C1orf21: variants seen among roughly 807,000 people sequenced by gnomAD.
C1orf21 encodes uncharacterized protein C1orf21.
C1orf21 carries 3 observed loss-of-function variants against 18.7 expected under a neutral mutation model. The observed-to-expected ratio is 0.16, with a 90% CI of 0.07 to 0.42. The LOEUF (loss-of-function observed/expected upper bound fraction) is 0.42, where lower values mean the gene tolerates loss of function less well. C1orf21 is among the 10% of genes least tolerant of loss of function. The pLI is 0.99. For synonymous variants in C1orf21, 41 were observed against 46.4 expected (o/e 0.88, Z 0.47); for missense variants, 104 against 143.6 (o/e 0.72, Z 1.41).
At chr1:184,448,736 G>A (rs112740239) in intron 1 of C1orf21, among the ~76,000 whole-genome samples, 1 of 152,032 alleles carries the variant, frequency 6.6e-6, no homozygotes, top group Non-Finnish European at 1.5e-5. Flanking sequence ...TTTTCTCTTG[G>A]ATCTCATTTC....
At chr1:184,530,289 T>G (rs1049298576) in intron 3 of C1orf21, among the ~76,000 whole-genome samples, 3 of 152,186 alleles carry the variant, frequency 2.0e-5, no homozygotes, top group African/African-American at 7.2e-5. Flanking sequence ...TGGGCCTCAG[T>G]TTCCTCATCT....
intron 5 of C1orf21, chr1:184,599,576 G>A (rs571915630): frequency 2.0e-5 from 3 of 152,298 alleles, no homozygotes; most frequent in African/African-American, 7.2e-5. Context: ...TTCCCTGGAT[G>A]TAAATAAATA....
chr1:184,506,694 G>C (rs1658066488), intron 2 of C1orf21, among the ~76,000 whole-genome samples: 1 of 152,134 alleles, frequency 6.6e-6, no homozygotes, highest in Non-Finnish European at 1.5e-5. Context: ...TTTGACTTTA[G>C]TGCGCTCAAA....
chr1:184,547,570 A>T (rs2101980158), intron 3 of C1orf21, among the ~76,000 whole-genome samples: 1 of 152,246 alleles, frequency 6.6e-6, no homozygotes. Context: ...TTCCCCACGA[A>T]GCAGTGTACA....
Position 184,616,135 on chromosome 1 carries a change from C to T in C1orf21, c.328-3383C>T, listed in dbSNP as rs76540595. On this transcript the variant is annotated intron_variant, in intron 5 of 5. Transcript: ENST00000235307. ...CATTCTCAGGTCTCCTTTCTTAGAA[C>T]GGCACTGGATGGCCATATGGTTTAT... is the stretch of plus-strand genomic sequence containing the variant. 7.9e-5 allele frequency among the ~76,000 whole-genome samples: 12 copies of T among 152,348 alleles called. No individual in the cohort carries two copies. The East Asian group carries it at 1.7e-3, about 22-fold the overall frequency.
chr1:184,429,267 C>T (rs920929865), intron 1 of C1orf21, among the ~76,000 whole-genome samples: 1 of 152,048 alleles, frequency 6.6e-6, no homozygotes, highest in African/African-American at 2.4e-5. Flanking sequence ...CTGGAGAGGC[C>T]CTGGCATCTT....
chr1:184,560,334 A>C (rs533547430), intron 3 of C1orf21, among the ~76,000 whole-genome samples: 11 of 152,226 alleles, frequency 7.2e-5, no homozygotes, highest in African/African-American at 1.2e-4. Flanking sequence ...TCTAGAAACC[A>C]AAGAAAAGGC....
rs530325066 is a variant in C1orf21 at position 184,484,808 on chromosome 1, T to C, written c.94+7205T>C. Among the ~76,000 whole-genome samples, 110 of 152,276 alleles carry C rather than the reference T, an allele frequency of 7.2e-4. 2 individuals are homozygous for C. The highest frequency in any genetic ancestry group is 5.2e-3 in the South Asian group (25 of 4,822). On this transcript the variant is annotated intron_variant, in intron 2 of 5. Transcript: ENST00000235307. Reference sequence around the variant, plus strand: ...TGGCTGCTTTCTTTCACTTGGACTTTGTATTGCTATGTGGCTTCAGTTAAG... The same window carrying C: ...TGGCTGCTTTCTTTCACTTGGACTTCGTATTGCTATGTGGCTTCAGTTAAG...
chr1:184,600,544 A>AT (rs1659573001), intron 5 of C1orf21, among the ~76,000 whole-genome samples: 1 of 152,204 alleles, frequency 6.6e-6, no homozygotes, highest in Admixed American at 6.5e-5. Context: ...GAAATCTGAG[A>AT]TCCCCTTTTG....
In C1orf21 at chr1:184,627,616, C is replaced by T. The variant is rs1244179101; in HGVS notation, c.*8060C>T. 6.6e-6 allele frequency: 1 copy of T among 152,232 alleles called. No individual in the cohort carries two copies. Among genetic ancestry groups the T allele is most frequent in the Non-Finnish European group, 1.5e-5 (1 of 68,062 alleles). The allele number at this position is 152,232 out of a possible 1,614,324, so 9.4% of individuals were successfully genotyped here. A position where few individuals can be genotyped will look rare whatever the true frequency, so the allele number is the denominator to read the frequency against. Reference sequence around the variant, plus strand: ...TGTTAGCTCAAACACCCACTTTTTCCAGATCTTCCTCTTGCTCTTCACTGA... The same window carrying T: ...TGTTAGCTCAAACACCCACTTTTTCTAGATCTTCCTCTTGCTCTTCACTGA... On this transcript the variant is annotated 3_prime_UTR_variant, in exon 6 of 6. Transcript: ENST00000235307.
rs1488281459 is a variant in C1orf21 at position 184,625,831 on chromosome 1, G to A, written c.*6275G>A. On this transcript the variant is annotated 3_prime_UTR_variant, in exon 6 of 6. Transcript: ENST00000235307. ...CTACTACATCTGCTTGACTCGTCTG[G>A]GCTGCTAGCCGGGGTGTTGTGGCTG... is the stretch of plus-strand genomic sequence containing the variant. The A allele has an allele frequency of 6.6e-6, 1 of 152,218 alleles. No individual in the cohort carries two copies. Among genetic ancestry groups the A allele is most frequent in the Non-Finnish European group, 1.5e-5 (1 of 68,080 alleles). 9.4% of individuals were successfully genotyped at this position (152,218 alleles called of 1,614,324 possible).
chr1:184,581,803 G>T (rs1348518205), intron 3 of C1orf21, among the ~76,000 whole-genome samples: 1 of 152,160 alleles, frequency 6.6e-6, no homozygotes, highest in Admixed American at 6.5e-5. Flanking sequence ...TGTGAAAAAT[G>T]TTAGGTGCTT....
chr1:184,551,554 G>A (rs1383313991), intron 3 of C1orf21, among the ~76,000 whole-genome samples: 2 of 152,222 alleles, frequency 1.3e-5, no homozygotes, highest in Non-Finnish European at 2.9e-5. Flanking sequence ...CACTGAATCT[G>A]AGGATCTTCC....
At chr1:184,425,107 G>C (rs1656612081) in intron 1 of C1orf21, among the ~76,000 whole-genome samples, 1 of 152,130 alleles carries the variant, frequency 6.6e-6, no homozygotes, top group African/African-American at 2.4e-5. Context: ...CTGAATGTTT[G>C]GGTGTGACTT....
In C1orf21 at chr1:184,444,199, C is replaced by A. The variant is rs1341496605; in HGVS notation, c.-124-33187C>A. ...TCTTATCCCCAGCTTTGTACAGTAA[C>A]TACCTTGGTTCATGGATCTTCTCAC... On this transcript the variant is annotated intron_variant, in intron 1 of 5. Coordinates refer to ENST00000235307, the MANE Select transcript of C1orf21 (RefSeq NM_030806.4). Among the ~76,000 whole-genome samples the A allele has an allele frequency of 4.6e-5, 7 of 152,280 alleles. 1 individual carries two copies. In the East Asian group the frequency reaches 1.2e-3, roughly 25 times the overall value.
At chr1:184,616,709 TATGTGTGTTGTGTGCAC>T (rs2102011853) in intron 5 of C1orf21, among the ~76,000 whole-genome samples, 1 of 100,862 alleles carries the variant, frequency 9.9e-6, no homozygotes, top group East Asian at 4.7e-4. Flanking sequence ...CACACGTGTG[TATGTGTGTTGTGTGCAC>T]GTGTGTGTGT....
intron 2 of C1orf21, among the ~76,000 whole-genome samples, chr1:184,503,815 A>G (rs1258571794): frequency 2.0e-5 from 3 of 152,154 alleles, no homozygotes; most frequent in Non-Finnish European, 4.4e-5. Flanking sequence ...ATTTAATAGA[A>G]CTGACTTTTA....
rs1404716912 is a variant in C1orf21, at chr1:184,625,174, C to T, written c.*5618C>T. The T allele has an allele frequency of 1.3e-5, 2 of 152,184 alleles. No homozygotes were observed. Among genetic ancestry groups the T allele is most frequent in the African/African-American group, 4.8e-5 (2 of 41,442 alleles). The allele number at this position is 152,184 out of a possible 1,614,324, so 9.4% of individuals were successfully genotyped here. ...CCCTGATTTCGCCCTTCTTTGCTTC[C>T]ATTTTTAGCCCAAGGCTTTGAATTT... On this transcript the variant is annotated 3_prime_UTR_variant, in exon 6 of 6. Coordinates refer to ENST00000235307, the MANE Select transcript of C1orf21 (RefSeq NM_030806.4).
At chr1:184,501,594 G>T (rs554036584) in intron 2 of C1orf21, among the ~76,000 whole-genome samples, 2 of 152,286 alleles carry the variant, frequency 1.3e-5, no homozygotes, top group South Asian at 4.1e-4. Context: ...CTTTAGAACA[G>T]GGACTGACTG....
Sources: allele counts gnomAD v4.1 joint callset (sites outside exome capture counted in the v4.1 genomes callset), GRCh38; gene constraint gnomAD v4.1.1; transcripts MANE v1.5; gene names NCBI Gene and HGNC (gene_info 2026-07-23, HGNC 2026-07-21).